NPHS1: variants seen among roughly 807,000 people sequenced by gnomAD.
The protein encoded by NPHS1 is NPHS1 adhesion molecule, nephrin.
NPHS1 carries 107 observed loss-of-function variants against 139.7 expected under a neutral mutation model. The ratio of observed to expected loss-of-function variants is 0.77; its 90% CI spans 0.66 to 0.90. The LOEUF (loss-of-function observed/expected upper bound fraction) is 0.90. Among genes scored for constraint, NPHS1 ranks in the 40% least tolerant of loss-of-function variants. NPHS1 has a pLI of 0.00. For missense variants in NPHS1, 1,580 were observed against 1,654.2 expected (o/e 0.96, Z 0.78); for synonymous variants, 707 against 706.6 (o/e 1.00, Z -0.01).
rs775372059 is a variant in NPHS1, at chr19:35,826,481, T to A, written c.*33A>T. The A allele has an allele frequency of 6.2e-7, 1 of 1,612,532 alleles. No homozygotes were observed. The highest frequency in any genetic ancestry group is 1.1e-5 in the South Asian group (1 of 91,008). The stretch of plus-strand genomic sequence containing the variant: ...GAGAGACCAGTGGAGTGTAAATTCC[T>A]GCAGGTGCAGGACAATGGGGTTGAG... On this transcript the variant is annotated 3_prime_UTR_variant, in exon 29 of 29. Coordinates refer to ENST00000378910, the MANE Select transcript of NPHS1 (RefSeq NM_004646.4).
In NPHS1 at chr19:35,842,122, A is replaced by C. The variant is rs762392183; in HGVS notation, c.2663+2T>G. Reference sequence around the variant, plus strand: ...GTGCTGCCTGGCTGGGCTTGGGCTCACCTGGGATCTTGGAGATCCAGAGGG... The same window carrying C: ...GTGCTGCCTGGCTGGGCTTGGGCTCCCCTGGGATCTTGGAGATCCAGAGGG... On this transcript the variant is annotated splice_donor_variant, in intron 19 of 28. Transcript: ENST00000378910. LOFTEE classifies it high-confidence loss of function. The C allele has an allele frequency of 1.2e-6, 2 of 1,602,486 alleles. No individual in the cohort carries two copies. The highest frequency in any genetic ancestry group is 1.7e-5 in the Admixed American group (1 of 57,324).
chr19:35,834,816 T>C (rs114367111), intron 23 of NPHS1, among the ~76,000 whole-genome samples: 1,446 of 143,254 alleles, frequency 0.01, 22 homozygotes, highest in African/African-American at 0.035. Flanking sequence ...AGCCGGGAGG[T>C]GGAGATAGCA....
intron 28 of NPHS1, among the ~76,000 whole-genome samples, chr19:35,827,625 A>G (rs1252339216): frequency 6.6e-6 from 1 of 152,240 alleles, no homozygotes; most frequent in Non-Finnish European, 1.5e-5. Context: ...TGTCAGAAAT[A>G]TAAAACCTTT....
At chr19:35,833,484 G>GTCAAA (rs1380121430) in intron 23 of NPHS1, among the ~76,000 whole-genome samples, 1 of 152,180 alleles carries the variant, frequency 6.6e-6, no homozygotes, top group Non-Finnish European at 1.5e-5. Flanking sequence ...GACCCAACGT[G>GTCAAA]TGTTTTTAAC....
chr19:35,835,084 C>T (rs1407469980), intron 23 of NPHS1, among the ~76,000 whole-genome samples: 1 of 150,138 alleles, frequency 6.7e-6, no homozygotes, highest in African/African-American at 2.5e-5. Context: ...CCTGTAATCC[C>T]AGCAACTCGG....
At position 35,831,716 on chromosome 19, in the gene NPHS1, C is replaced by T; in HGVS notation, c.3213G>A (p.Gly1071=). The change falls in exon 24 of 29, where the codon GGG becomes GGA. Residue 1071 remains glycine (G), a synonymous_variant. Coordinates refer to ENST00000378910, the MANE Select transcript of NPHS1 (RefSeq NM_004646.4). ...AGGAGGCATTGGAGAGGAGCAGAAG[C>T]CCCCCAAGAGCGAACAGCACAGGCA... is the stretch of plus-strand genomic sequence containing the variant. The part of the protein sequence containing the change: ...PLLPVLFALG[G]LLLLSNASCV... The T allele has an allele frequency of 6.3e-7, 1 of 1,594,504 alleles. No individual in the cohort carries two copies. Among genetic ancestry groups the T allele is most frequent in the Non-Finnish European group, 8.5e-7 (1 of 1,170,938 alleles).
intron 20 of NPHS1, 62 bp from the exon 21 acceptor site, chr19:35,839,669 C>A: frequency 7.6e-7 from 1 of 1,315,786 alleles, no homozygotes; most frequent in South Asian, 1.2e-5. Flanking sequence ...AGATTCTGTC[C>A]AGGTTTTCCC....
Position 35,844,357 on chromosome 19 carries a change from G to A in NPHS1, c.2033C>T (p.Ala678Val), listed in dbSNP as rs1216269659. 1 of 1,613,802 alleles carries A rather than the reference G, an allele frequency of 6.2e-7. No homozygotes were observed. The highest frequency in any genetic ancestry group is 2.2e-5 in the East Asian group (1 of 44,872). ...ATAGCCGCGGAAGGTCCAGTTGAAGGCCTCGGGGGCGGGGTTAGCGGACAC... is the reference window on the plus strand; with the variant it reads ...ATAGCCGCGGAAGGTCCAGTTGAAGACCTCGGGGGCGGGGTTAGCGGACAC... ...VSVSANPAPE[A>V]FNWTFRGYRL... is the part of the protein sequence containing the mutation. The change falls in exon 15 of 29, where the codon GCC becomes GTC. Residue 678 changes from alanine to valine, a missense_variant. Ala to Val is a moderately conservative substitution (Grantham distance 64, BLOSUM62 0). Coordinates refer to ENST00000378910, the MANE Select transcript of NPHS1 (RefSeq NM_004646.4).
intron 11 of NPHS1, among the ~76,000 whole-genome samples, chr19:35,846,678 C>CT (rs895166874): frequency 9.2e-5 from 14 of 152,202 alleles, no homozygotes; most frequent in Admixed American, 2.0e-4. Context: ...AGATTACTTC[C>CT]TTTTTTTATT....
Position 35,831,747 on chromosome 19 carries a change from G to A in NPHS1, c.3182C>T (p.Pro1061Leu). The stretch of plus-strand genomic sequence containing the variant: ...AAGAGCGAACAGCACAGGCAGCAGG[G>A]GCAGCCCCGAGGGTCCTAGGGGTGG... ...TEPPSGPSGL[P>L]LLPVLFALGG... Residue 1061 changes from proline (P) to leucine (L), a missense_variant, in exon 24 of 29, where the codon CCC becomes CTC. Physicochemically the swap from Pro to Leu is moderately conservative, Grantham distance 98. Coordinates refer to ENST00000378910, the MANE Select transcript of NPHS1 (RefSeq NM_004646.4). The A allele has an allele frequency of 6.3e-7, 1 of 1,576,164 alleles. No individual in the cohort carries two copies. Among genetic ancestry groups the A allele is most frequent in the Non-Finnish European group, 8.6e-7 (1 of 1,161,502 alleles).
chr19:35,831,212 C>T, intron 26 of NPHS1, 66 bp from the exon 27 acceptor site: 1 of 1,609,694 alleles, frequency 6.2e-7, no homozygotes, highest in South Asian at 1.1e-5. Flanking sequence ...CCCGGAAGGG[C>T]AATGATCAAC....
intron 28 of NPHS1, among the ~76,000 whole-genome samples, chr19:35,827,378 G>A (rs766683047): frequency 6.6e-6 from 1 of 152,010 alleles, no homozygotes; most frequent in Non-Finnish European, 1.5e-5. Flanking sequence ...TAAGAGGATC[G>A]CTTGAGCCCC....
At position 35,851,353 on chromosome 19, in the gene NPHS1, G is replaced by A. The variant is rs1973253440; in HGVS notation, c.306C>T (p.Asp102=). Residue 102 remains aspartate (D), a synonymous_variant, in exon 3 of 29, where the codon GAC becomes GAT. Coordinates refer to ENST00000378910, the MANE Select transcript of NPHS1 (RefSeq NM_004646.4). ...GEFHLHIEAC[D]LSDDAEYECQ... is the part of the protein sequence containing the mutation. ...ACTCATACTCCGCGTCATCGCTGAG[G>A]TCACAGGCCTCGATGTGCAGGTGGA... is the stretch of plus-strand genomic sequence containing the variant. 1 of 1,613,658 alleles carries A rather than the reference G, an allele frequency of 6.2e-7. No homozygotes were observed. Among genetic ancestry groups the A allele is most frequent in the Non-Finnish European group, 8.5e-7 (1 of 1,179,838 alleles).
intron 4 of NPHS1, 89 bp from the exon 5 acceptor site, chr19:35,850,534 C>T (rs558046152): frequency 1.5e-4 from 165 of 1,096,458 alleles, no homozygotes; most frequent in Non-Finnish European, 2.1e-4. Flanking sequence ...AGGGTGGGTG[C>T]GATGCCCCCT....
In NPHS1 at chr19:35,831,035, G is replaced by A; in HGVS notation, c.3481+18C>T. 1 of 1,612,964 alleles carries A rather than the reference G, an allele frequency of 6.2e-7. No individual in the cohort carries two copies. The highest frequency in any genetic ancestry group is 8.5e-7 in the Non-Finnish European group (1 of 1,179,026). On this transcript the variant is annotated intron_variant, in intron 27 of 28. Transcript: ENST00000378910. Reference sequence around the variant, plus strand: ...GGGTACCTCTGAGTGAGGGAATCCTGACATGGTCCTAACTCACCTCGGGAA... The same window carrying A: ...GGGTACCTCTGAGTGAGGGAATCCTAACATGGTCCTAACTCACCTCGGGAA...
rs571218761 is a variant in NPHS1, at chr19:35,826,383, T to TGTCCTCTCCTGACACCAA, written c.*113_*130dup. Reference sequence around the variant, plus strand: ...CATCTCTGTCACTCAGCCCCCTCCATGTCCTCTCCTGACACCAAGTCCCTT... The same window carrying TGTCCTCTCCTGACACCAA: ...CATCTCTGTCACTCAGCCCCCTCCATGTCCTCTCCTGACACCAAGTCCTCTCCTGACACCAAGTCCCTT... On this transcript the variant is annotated 3_prime_UTR_variant, in exon 29 of 29. Coordinates refer to ENST00000378910, the MANE Select transcript of NPHS1 (RefSeq NM_004646.4). The TGTCCTCTCCTGACACCAA allele has an allele frequency of 7.1e-5, 73 of 1,032,890 alleles. No homozygotes were observed. The African/African-American group carries it at 1.0e-3, about 14-fold the overall frequency. The allele number at this position is 1,032,890 out of a possible 1,614,324, so 64.0% of individuals were successfully genotyped here.
In NPHS1 at chr19:35,839,646, AAAG is replaced by A. The variant is rs774206014; in HGVS notation, c.2816-42_2816-40del. The A allele has an allele frequency of 3.1e-5, 46 of 1,499,178 alleles. No homozygotes were observed. In the African/African-American group the frequency reaches 5.6e-4, roughly 18 times the overall value. The allele number at this position is 1,499,178 out of a possible 1,614,324, so 92.9% of individuals were successfully genotyped here. On this transcript the variant is annotated intron_variant, in intron 20 of 28. Transcript: ENST00000378910. Reference sequence around the variant, plus strand: ...GATGGGAAAGCAGTCAGAGGATACAAAAGAATTCCAGAAGATTCTGTCCAGGTT... The same window carrying A: ...GATGGGAAAGCAGTCAGAGGATACAAAATTCCAGAAGATTCTGTCCAGGTT...
Position 35,842,154 on chromosome 19 carries a change from T to A in NPHS1, c.2633A>T (p.Asn878Ile). 6.2e-7 allele frequency: 1 copy of A among 1,607,970 alleles called. No individual in the cohort carries two copies. ...VPNIVFTWTK[N>I]GVPLDLQDPR... is the part of the protein sequence containing the mutation. ...ATCTTGGAGATCCAGAGGGACCCCG[T>A]TTTTTGTCCAAGTGAAAACGATGTT... Residue 878 changes from asparagine to isoleucine, a missense_variant, in exon 19 of 29, where the codon AAC becomes ATC. Physicochemically the swap from Asn to Ile is moderately radical, Grantham distance 149. Transcript: ENST00000378910.
chr19:35,848,557 G>C (rs1017605997), intron 9 of NPHS1, 80 bp downstream of exon 9: 1 of 1,592,484 alleles, frequency 6.3e-7, no homozygotes, highest in East Asian at 2.2e-5. Flanking sequence ...CCAGGCTGCT[G>C]GACCCACCCC....
Sources: gnomAD v4.1 joint callset for allele counts (sites outside exome capture counted in the v4.1 genomes callset) on GRCh38, gnomAD v4.1.1 for gene constraint, MANE v1.5 for transcripts, NCBI Gene and HGNC (gene_info 2026-07-23, HGNC 2026-07-21) for gene names.